Variants in FCHSD2 observed in about 807,000 individuals in gnomAD.
FCHSD2 encodes the protein FCH and double SH3 domains 2.
Under a neutral mutation model 108.1 loss-of-function variants are expected in FCHSD2, and 38 were observed. The observed-to-expected ratio is 0.35, with a 90% CI of 0.27 to 0.46. FCHSD2 has a LOEUF of 0.46. FCHSD2 is among the 20% of genes least tolerant of loss of function. The pLI is 1.00. For synonymous variants in FCHSD2, 279 were observed against 314.7 expected (o/e 0.89, Z 1.20); for missense variants, 751 against 897.8 (o/e 0.84, Z 2.09).
intron 6 of FCHSD2, among the ~76,000 whole-genome samples, chr11:72,986,101 A>G (rs1365807405): frequency 6.6e-6 from 1 of 152,246 alleles, no homozygotes; most frequent in African/African-American, 2.4e-5. Context: ...GAAAACATTC[A>G]GGGATGAACA....
intron 10 of FCHSD2, among the ~76,000 whole-genome samples, chr11:72,892,573 T>C (rs1246855889): frequency 6.6e-6 from 1 of 152,094 alleles, no homozygotes; most frequent in East Asian, 1.9e-4. Context: ...CAGGATCTAG[T>C]ATAGATAATT....
chr11:72,989,126 G>C, intron 5 of FCHSD2, 29 bp from the exon 6 acceptor site: 1 of 1,576,240 alleles, frequency 6.3e-7, no homozygotes, highest in Non-Finnish European at 8.6e-7. Context: ...CAATCATTAT[G>C]ATTTTAGTTT....
intron 5 of FCHSD2, among the ~76,000 whole-genome samples, chr11:72,994,727 C>T (rs932963814): frequency 3.3e-5 from 5 of 152,046 alleles, no homozygotes. Context: ...GATCATGCCA[C>T]TGCACTCCAG....
At chr11:73,028,732 C>T (rs1170083997) in intron 3 of FCHSD2, among the ~76,000 whole-genome samples, 2 of 152,120 alleles carry the variant, frequency 1.3e-5, no homozygotes, top group Non-Finnish European at 2.9e-5. Context: ...AGGGGAAAAA[C>T]CTGGTGGGAG....
intron 3 of FCHSD2, among the ~76,000 whole-genome samples, chr11:73,077,097 C>CA (rs372641793): frequency 0.36 from 25,903 of 71,578 alleles, 3,464 homozygotes; most frequent in Non-Finnish European, 0.43. Context: ...GACTCTGTCT[C>CA]AAAAAAAAAA....
At chr11:72,981,614 C>T (rs1018605591) in intron 8 of FCHSD2, among the ~76,000 whole-genome samples, 1 of 152,192 alleles carries the variant, frequency 6.6e-6, no homozygotes, top group Non-Finnish European at 1.5e-5. Flanking sequence ...TAAAAATCAT[C>T]TTTAGTAAAT....
intron 2 of FCHSD2, among the ~76,000 whole-genome samples, chr11:73,131,811 C>T (rs1259004908): frequency 2.0e-5 from 3 of 151,906 alleles, no homozygotes; most frequent in African/African-American, 7.3e-5. Context: ...AACACAATAC[C>T]GTTACTTAGA....
intron 12 of FCHSD2, among the ~76,000 whole-genome samples, chr11:72,874,198 CT>C (rs893084545): frequency 3.3e-5 from 5 of 152,076 alleles, no homozygotes; most frequent in Non-Finnish European, 5.9e-5. Context: ...TATGCTTTTG[CT>C]TTTTTAAGAG....
intron 5 of FCHSD2, among the ~76,000 whole-genome samples, chr11:72,993,249 T>C (rs1857453375): frequency 2.0e-5 from 3 of 152,080 alleles, no homozygotes; most frequent in African/African-American, 7.2e-5. Context: ...CATTAGAAAG[T>C]CAGGAAACAA....
chr11:72,963,286 A>G (rs888572521), intron 8 of FCHSD2, among the ~76,000 whole-genome samples: 1 of 152,194 alleles, frequency 6.6e-6, no homozygotes, highest in Non-Finnish European at 1.5e-5. Context: ...TCCATTTACT[A>G]TGTGCTTACT....
At chr11:73,120,898 T>C (rs946097393) in intron 2 of FCHSD2, among the ~76,000 whole-genome samples, 2 of 151,518 alleles carry the variant, frequency 1.3e-5, no homozygotes, top group East Asian at 1.9e-4. Context: ...CTGGATGTTA[T>C]GGGAACACAC....
At chr11:73,003,177 G>C (rs888132933) in intron 4 of FCHSD2, among the ~76,000 whole-genome samples, 2 of 152,154 alleles carry the variant, frequency 1.3e-5, no homozygotes, top group Non-Finnish European at 2.9e-5. Context: ...CCAGTCAGAA[G>C]ACCTAAGTTC....
At chr11:72,944,221 C>T (rs1053861905) in intron 8 of FCHSD2, among the ~76,000 whole-genome samples, 5 of 152,142 alleles carry the variant, frequency 3.3e-5, no homozygotes, top group Admixed American at 6.5e-5. Context: ...GGGCTTCATC[C>T]CTGGGATGCA....
intron 12 of FCHSD2, among the ~76,000 whole-genome samples, chr11:72,883,403 T>C (rs1253165108): frequency 1.3e-5 from 2 of 152,172 alleles, no homozygotes; most frequent in African/African-American, 4.8e-5. Context: ...GCAGTACATG[T>C]ACCTAAAAAA....
chr11:73,129,200 CAATTACA>C (rs1860932510), intron 2 of FCHSD2, among the ~76,000 whole-genome samples: 1 of 152,110 alleles, frequency 6.6e-6, no homozygotes, highest in South Asian at 2.1e-4. Flanking sequence ...TTGATGTTCT[CAATTACA>C]AAACAAATTA....
At position 72,843,274 on chromosome 11, in the gene FCHSD2, G is replaced by T; in HGVS notation, c.1582C>A (p.Pro528Thr). The T allele has an allele frequency of 6.2e-7, 1 of 1,614,000 alleles. No homozygotes were observed. The highest frequency in any genetic ancestry group is 1.1e-5 in the South Asian group (1 of 91,086). ...ATGCTCAGGAGGCTGTTCGAGGTGG[G>T]AAACTGTAGGTACTTTTCTGGCACA... is the stretch of plus-strand genomic sequence containing the variant. Reference protein sequence around the residue: ...GYVPEKYLQFPTSNSLLSMLQ... With the variant: ...GYVPEKYLQFTTSNSLLSMLQ... Residue 528 changes from proline to threonine, a missense_variant, in exon 16 of 20, where the codon CCC becomes ACC. Transcript: ENST00000409418.
chr11:72,841,306 G>A (rs1439117010), intron 18 of FCHSD2, 148 bp downstream of exon 18: 2 of 808,372 alleles, frequency 2.5e-6, no homozygotes, highest in Non-Finnish European at 3.7e-6. Flanking sequence ...ACTCCAGCCT[G>A]GGTGTCCAGC....
At chr11:73,003,676 C>T (rs958700660) in intron 4 of FCHSD2, among the ~76,000 whole-genome samples, 2 of 151,158 alleles carry the variant, frequency 1.3e-5, no homozygotes, top group South Asian at 2.1e-4. Flanking sequence ...TTAGTAGAGA[C>T]GGGGTTTCAC....
intron 8 of FCHSD2, among the ~76,000 whole-genome samples, chr11:72,968,090 C>CAAAA (rs10670606): frequency 6.9e-5 from 6 of 87,576 alleles, no homozygotes; most frequent in African/African-American, 2.5e-4. Flanking sequence ...GACTCTGTCT[C>CAAAA]AAAAAAAAAA....
Sources: allele counts gnomAD v4.1 joint callset (sites outside exome capture counted in the v4.1 genomes callset), GRCh38; gene constraint gnomAD v4.1.1; transcripts MANE v1.5; gene names NCBI Gene and HGNC (gene_info 2026-07-23, HGNC 2026-07-21).